Variants in PLEKHA2 observed in about 807,000 individuals in gnomAD.
PLEKHA2 encodes the protein pleckstrin homology domain containing A2.
A neutral mutation model predicts 53.2 loss-of-function variants in PLEKHA2; 28 were observed. That is an observed-to-expected ratio of 0.53 (90% confidence interval 0.39 to 0.72). The LOEUF (loss-of-function observed/expected upper bound fraction) is 0.72, where lower values mean the gene tolerates loss of function less well. PLEKHA2 is among the 30% of genes least tolerant of loss of function. PLEKHA2 has a pLI of 0.00. For synonymous variants in PLEKHA2, 193 were observed against 196.4 expected (o/e 0.98, Z 0.14); for missense variants, 426 against 537.9 (o/e 0.79, Z 2.06).
rs186825278 is a variant in PLEKHA2, at chr8:38,944,787, G to T, written c.247+950G>T. On this transcript the variant is annotated intron_variant, in intron 4 of 11. Transcript: ENST00000617275. ...GGACACAGATTTGGGTGGGGACAGA[G>T]ATCCAAACCATATCAATGTCCATCA... Among the ~76,000 whole-genome samples the T allele has an allele frequency of 1.9e-3, 283 of 152,318 alleles. 3 individuals are homozygous for T. The highest frequency in any genetic ancestry group is 2.6e-3 in the Non-Finnish European group (174 of 68,032).
chr8:38,925,658 A>G (rs1834273121), intron 2 of PLEKHA2, among the ~76,000 whole-genome samples: 1 of 152,250 alleles, frequency 6.6e-6, no homozygotes, highest in Admixed American at 6.5e-5. Context: ...AAATAAACTG[A>G]AAGCAGTTCT....
chr8:38,923,765 T>C (rs1834234726), intron 2 of PLEKHA2, among the ~76,000 whole-genome samples: 1 of 152,186 alleles, frequency 6.6e-6, no homozygotes, highest in African/African-American at 2.4e-5. Flanking sequence ...GATCCAGATG[T>C]TGAAGGGTGT....
At chr8:38,957,635 C>G (rs1048566073) in intron 10 of PLEKHA2, among the ~76,000 whole-genome samples, 1 of 152,208 alleles carries the variant, frequency 6.6e-6, no homozygotes, top group Non-Finnish European at 1.5e-5. Context: ...ACCAGTTGCT[C>G]TCAGCTGCTG....
At chr8:38,906,768 C>T (rs978072547) in intron 1 of PLEKHA2, among the ~76,000 whole-genome samples, 1 of 152,170 alleles carries the variant, frequency 6.6e-6, no homozygotes, top group Admixed American at 6.5e-5. Flanking sequence ...GCCATGCTTG[C>T]ATTTTGCTGT....
At chr8:38,907,969 C>T (rs1433130249) in intron 1 of PLEKHA2, among the ~76,000 whole-genome samples, 4 of 151,976 alleles carry the variant, frequency 2.6e-5, no homozygotes, top group African/African-American at 4.8e-5. Context: ...GATTCTCCTG[C>T]CCTAGCCTCC....
At position 38,970,212 on chromosome 8, in the gene PLEKHA2, G is replaced by A. The variant is rs189718771; in HGVS notation, c.*429G>A. 3.3e-5 allele frequency: 14 copies of A among 428,696 alleles called. No individual in the cohort carries two copies. Among genetic ancestry groups the A allele is most frequent in the East Asian group, 3.6e-5 (1 of 28,012 alleles). The allele number at this position is 428,696 out of a possible 1,614,324, so 26.6% of individuals were successfully genotyped here. The stretch of plus-strand genomic sequence containing the variant: ...ATTTTGTTTTCAGTCCAGGTGCCTC[G>A]CAGCTCTTTTGGAATGGGCCAGCAT... On this transcript the variant is annotated 3_prime_UTR_variant, in exon 12 of 12. Transcript: ENST00000617275.
In PLEKHA2 at chr8:38,971,935, A is replaced by G. The variant is rs1835258236; in HGVS notation, c.*2152A>G. ...GCACTCCAGCCTGGGCGACAGAGCA[A>G]GACTCCATCTCAAAAAAAAAATTAT... is the stretch of plus-strand genomic sequence containing the variant. On this transcript the variant is annotated 3_prime_UTR_variant, in exon 12 of 12. Transcript: ENST00000617275. The G allele has an allele frequency of 1.4e-5, 2 of 141,466 alleles. No homozygotes were observed. The highest frequency in any genetic ancestry group is 2.5e-5 in the African/African-American group (1 of 39,580). The allele number at this position is 141,466 out of a possible 1,614,324, so 8.8% of individuals were successfully genotyped here.
chr8:38,937,353 C>T (rs924134052), intron 3 of PLEKHA2, among the ~76,000 whole-genome samples: 1 of 152,232 alleles, frequency 6.6e-6, no homozygotes, highest in Non-Finnish European at 1.5e-5. Flanking sequence ...CCCGCCCTCC[C>T]TGGCTTGTCC....
chr8:38,915,144 CTG>C (rs1834035302), intron 1 of PLEKHA2, among the ~76,000 whole-genome samples: 1 of 152,160 alleles, frequency 6.6e-6, no homozygotes, highest in African/African-American at 2.4e-5. Flanking sequence ...CGAGGTCTCA[CTG>C]TGTTGCGCAC....
chr8:38,918,562 T>TAC (rs1564109976), intron 2 of PLEKHA2, among the ~76,000 whole-genome samples: 7 of 5,636 alleles, frequency 1.2e-3, no homozygotes, highest in South Asian at 7.9e-3. Flanking sequence ...ACACACACAT[T>TAC]ATACACACAC....
intron 4 of PLEKHA2, 82 bp from the exon 5 acceptor site, chr8:38,946,042 C>T (rs1008657394): frequency 8.9e-7 from 1 of 1,127,766 alleles, no homozygotes; most frequent in Non-Finnish European, 1.3e-6. Flanking sequence ...CTCCCTCAAA[C>T]ACCTTAGCTT....
chr8:38,926,452 G>A (rs776156737), intron 2 of PLEKHA2, among the ~76,000 whole-genome samples: 1 of 150,540 alleles, frequency 6.6e-6, no homozygotes, highest in Non-Finnish European at 1.5e-5. Flanking sequence ...TGCAGTCAGA[G>A]CTCACTGCTG....
chr8:38,936,212 A>G (rs191176309), intron 3 of PLEKHA2, among the ~76,000 whole-genome samples, 162 bp downstream of exon 3: 17 of 152,286 alleles, frequency 1.1e-4, no homozygotes, highest in Middle Eastern at 3.4e-3. Context: ...CTTAGCTGCT[A>G]ATGGGTGGCT....
At chr8:38,921,349 C>T (rs962970775) in intron 2 of PLEKHA2, among the ~76,000 whole-genome samples, 7 of 152,228 alleles carry the variant, frequency 4.6e-5, no homozygotes, top group African/African-American at 4.8e-5. Context: ...GTGCTTTACC[C>T]GAACTGACTT....
intron 1 of PLEKHA2, among the ~76,000 whole-genome samples, chr8:38,905,412 C>T (rs1272312295): frequency 1.3e-5 from 2 of 151,864 alleles, no homozygotes; most frequent in South Asian, 2.1e-4. Context: ...GAGCTGTGAT[C>T]GCACCACTGC....
At position 38,969,941 on chromosome 8, in the gene PLEKHA2, CTGT is replaced by C; in HGVS notation, c.*159_*161del. 1 of 696,658 alleles carries C rather than the reference CTGT, an allele frequency of 1.4e-6. No homozygotes were observed. The highest frequency in any genetic ancestry group is 2.3e-6 in the Non-Finnish European group (1 of 440,210). The allele number at this position is 696,658 out of a possible 1,614,324, so 43.2% of individuals were successfully genotyped here. On this transcript the variant is annotated 3_prime_UTR_variant, in exon 12 of 12. Coordinates refer to ENST00000617275, the MANE Select transcript of PLEKHA2 (RefSeq NM_021623.2). ...GGAGGGAGGGGCCCATCCAGCTGGG[CTGT>C]GTGTGTGTGTGTGTGTGTGTGTGTG...
At chr8:38,935,606 A>T (rs73615970) in intron 2 of PLEKHA2, among the ~76,000 whole-genome samples, 6,830 of 151,974 alleles carry the variant, frequency 0.045, 225 homozygotes, top group African/African-American at 0.092. Flanking sequence ...TTTTGTAGAG[A>T]TGGGGTCTTG....
chr8:38,961,822 C>T (rs1316326207), intron 10 of PLEKHA2, among the ~76,000 whole-genome samples: 1 of 151,674 alleles, frequency 6.6e-6, no homozygotes, highest in Admixed American at 6.6e-5. Context: ...AGATCTTGGT[C>T]GTTTAACTGT....
intron 1 of PLEKHA2, among the ~76,000 whole-genome samples, chr8:38,909,430 C>A (rs1833923679): frequency 6.8e-6 from 1 of 146,194 alleles, no homozygotes; most frequent in Admixed American, 7.0e-5. Context: ...TAGACAACAT[C>A]TGTTTTAAGC....
Sources: gnomAD v4.1 joint callset for allele counts (sites outside exome capture counted in the v4.1 genomes callset) on GRCh38, gnomAD v4.1.1 for gene constraint, MANE v1.5 for transcripts, NCBI Gene and HGNC (gene_info 2026-07-23, HGNC 2026-07-21) for gene names.